Variants in C2CD5 observed in about 807,000 individuals in gnomAD.
C2CD5 encodes C2 calcium dependent domain containing 5, also known as C2 domain-containing protein 5.
In C2CD5, 109 loss-of-function variants were observed where a neutral mutation model predicts 130.3. That is an observed-to-expected ratio of 0.84 (90% confidence interval 0.72 to 0.98). The LOEUF is 0.98. Among genes scored for constraint, C2CD5 ranks in the 50% least tolerant of loss-of-function variants. The pLI, the probability that C2CD5 is intolerant of heterozygous loss-of-function variation, is 0.00. For missense variants in C2CD5, 996 were observed against 1,261.8 expected, an observed-to-expected ratio of 0.79 and a Z score of 3.19; for synonymous variants, 454 against 429.2, an observed-to-expected ratio of 1.06 and a Z score of -0.71.
rs572047132 is a variant in C2CD5 at position 22,533,994 on chromosome 12, G to A, written c.177+1264C>T. On this transcript the variant is annotated intron_variant, in intron 3 of 26. Transcript: ENST00000446597. Reference sequence around the variant, plus strand: ...TGAGGTCAGGAGTTTGAGACCAGCCGGGCCAACAGGGCAAAACCCCATCTC... The same window carrying A: ...TGAGGTCAGGAGTTTGAGACCAGCCAGGCCAACAGGGCAAAACCCCATCTC... 5.3e-5 allele frequency among the ~76,000 whole-genome samples: 8 copies of A among 152,142 alleles called. No homozygotes were observed. The South Asian group carries it at 6.2e-4, about 12-fold the overall frequency.
chr12:22,468,696 A>G (rs930943463), intron 22 of C2CD5, among the ~76,000 whole-genome samples: 1 of 152,220 alleles, frequency 6.6e-6, no homozygotes, highest in African/African-American at 2.4e-5. Context: ...AAAAGGAAAA[A>G]GGACCACAGT....
intron 22 of C2CD5, among the ~76,000 whole-genome samples, chr12:22,464,262 T>C (rs1941693499): frequency 6.6e-6 from 1 of 152,222 alleles, no homozygotes; most frequent in Non-Finnish European, 1.5e-5. Context: ...TTTGGGTCAT[T>C]TAAGTTTCTA....
intron 24 of C2CD5, 49 bp from the exon 25 acceptor site, chr12:22,457,210 AC>A: frequency 7.7e-7 from 1 of 1,299,818 alleles, no homozygotes; most frequent in South Asian, 1.4e-5. Context: ...CGCTGGTAAC[AC>A]AATTATTCCC....
intron 10 of C2CD5, among the ~76,000 whole-genome samples, chr12:22,505,221 A>G (rs947056403): frequency 1.3e-5 from 2 of 151,526 alleles, no homozygotes; most frequent in Non-Finnish European, 2.9e-5. Flanking sequence ...TTTTGGTCCA[A>G]TAACTTCAAA....
intron 10 of C2CD5, among the ~76,000 whole-genome samples, chr12:22,503,738 C>G (rs1948108886): frequency 1.3e-5 from 2 of 152,166 alleles, no homozygotes; most frequent in Admixed American, 1.3e-4. Context: ...TCTCAAACCC[C>G]TGAGCTCATG....
intron 13 of C2CD5, among the ~76,000 whole-genome samples, chr12:22,484,133 T>C (rs1945129927): frequency 1.3e-5 from 2 of 152,100 alleles, no homozygotes; most frequent in African/African-American, 4.8e-5. Context: ...TGTAGCATCA[T>C]GAAGTCAAAG....
At chr12:22,540,916 G>A (rs962856933) in intron 2 of C2CD5, among the ~76,000 whole-genome samples, 96 of 152,114 alleles carry the variant, frequency 6.3e-4, no homozygotes, top group African/African-American at 2.1e-3. Context: ...TAGTTAAACC[G>A]TGGTACTGAT....
chr12:22,535,470 C>T, intron 2 of C2CD5, 126 bp from the exon 3 acceptor site: 1 of 614,894 alleles, frequency 1.6e-6, no homozygotes, highest in East Asian at 2.9e-5. Context: ...TCCTCTGGGA[C>T]AAAGGGAAGA....
intron 4 of C2CD5, among the ~76,000 whole-genome samples, chr12:22,527,319 T>C (rs1471329128): frequency 2.3e-5 from 3 of 128,996 alleles, no homozygotes. Flanking sequence ...ATTATATACA[T>C]ATATATATAT....
Position 22,538,169 on chromosome 12 carries a change from C to T in C2CD5, c.91-2825G>A, listed in dbSNP as rs1215479969. 2.6e-5 allele frequency among the ~76,000 whole-genome samples: 4 copies of T among 152,176 alleles called. No individual in the cohort carries two copies. In the East Asian group the frequency reaches 7.7e-4, roughly 29 times the overall value. ...GTCTTTTAATGTAAGGCTAAGACCTCTTCTTTGTGTAAAAGTCAACTGTTT... is the reference window on the plus strand; with the variant it reads ...GTCTTTTAATGTAAGGCTAAGACCTTTTCTTTGTGTAAAAGTCAACTGTTT... On this transcript the variant is annotated intron_variant, in intron 2 of 26. Transcript: ENST00000446597.
intron 7 of C2CD5, among the ~76,000 whole-genome samples, chr12:22,520,824 A>G (rs1357615017): frequency 1.3e-5 from 2 of 152,156 alleles, no homozygotes; most frequent in Admixed American, 1.3e-4. Flanking sequence ...TGTGCATGAC[A>G]CTAAACATCA....
intron 2 of C2CD5, among the ~76,000 whole-genome samples, chr12:22,539,619 T>C (rs1220835766): frequency 6.6e-6 from 1 of 152,154 alleles, no homozygotes; most frequent in African/African-American, 2.4e-5. Context: ...TATTCTTCAA[T>C]GCAAGAGAGT....
rs1455966717 is a variant in C2CD5 at position 22,472,797 on chromosome 12, G to A, written c.2054C>T (p.Thr685Ile). 1.3e-6 allele frequency: 2 copies of A among 1,550,932 alleles called. No individual in the cohort carries two copies. The highest frequency in any genetic ancestry group is 1.8e-6 in the Non-Finnish European group (2 of 1,122,956). The stretch of plus-strand genomic sequence containing the variant: ...AGAATGGACATCTTCCATGGCATCT[G>A]TGTCATCAATCTTAAAATAGAGATT... ...KDAFVLEIDD[T>I]DAMEDVHSLL... Residue 685 changes from threonine to isoleucine, a missense_variant, in exon 17 of 27, where the codon ACA (threonine) becomes ATA (isoleucine). Physicochemically the swap from Thr to Ile is moderately conservative, Grantham distance 89. Transcript: ENST00000446597.
In C2CD5 at chr12:22,474,801, C is replaced by G; in HGVS notation, c.1993G>C (p.Val665Leu). 1 of 1,610,898 alleles carries G rather than the reference C, an allele frequency of 6.2e-7. No individual in the cohort carries two copies. The highest frequency in any genetic ancestry group is 1.1e-5 in the South Asian group (1 of 90,566). The change falls in exon 16 of 27, where the codon GTT becomes CTT. Residue 665 changes from valine (V) to leucine (L), a missense_variant. Transcript: ENST00000446597. ...LRSQSESSDE[V>L]TELDLSHGKK... is the part of the protein sequence containing the mutation. Reference sequence around the variant, plus strand: ...CCATGTGAAAGGTCTAATTCTGTAACTTCATCCGAGCTTTCTGATTGAGAT... The same window carrying G: ...CCATGTGAAAGGTCTAATTCTGTAAGTTCATCCGAGCTTTCTGATTGAGAT...
intron 23 of C2CD5, among the ~76,000 whole-genome samples, chr12:22,459,242 GA>G (rs532201771): frequency 1.1e-4 from 16 of 151,086 alleles, no homozygotes; most frequent in Non-Finnish European, 2.1e-4. Context: ...TGCTAAGCTG[GA>G]AAAAAAATTT....
chr12:22,507,757 C>T (rs1249431366), intron 9 of C2CD5, among the ~76,000 whole-genome samples: 3 of 152,140 alleles, frequency 2.0e-5, no homozygotes, highest in African/African-American at 7.2e-5. Flanking sequence ...CCAGTAGCCT[C>T]AGCTATTTAG....
intron 10 of C2CD5, among the ~76,000 whole-genome samples, chr12:22,504,636 T>C (rs1948254541): frequency 6.6e-6 from 1 of 152,124 alleles, no homozygotes; most frequent in Admixed American, 6.5e-5. Flanking sequence ...GCAGAAGACA[T>C]CTAGTAATTA....
chr12:22,454,610 G>T (rs1490862485), intron 25 of C2CD5, among the ~76,000 whole-genome samples: 5 of 144,296 alleles, frequency 3.5e-5, no homozygotes, highest in African/African-American at 5.2e-5. Context: ...TTCACTCCTT[G>T]GTCCCAACTT....
chr12:22,478,321 T>G lies in C2CD5; in HGVS notation c.1894A>C (p.Asn632His), dbSNP rs771157293. The change falls in exon 15 of 27, where the codon AAT becomes CAT. Residue 632 changes from asparagine to histidine, a missense_variant. Asn to His is a moderately conservative substitution (Grantham distance 68). Coordinates refer to ENST00000446597, the MANE Select transcript of C2CD5 (RefSeq NM_001286176.2). ...IAKNKELYEINPPEISEEIIG... is the reference protein window; with the variant it reads ...IAKNKELYEIHPPEISEEIIG... ...AGGTTTGTTTTACTTACTGGAGGAT[T>G]GATTTCATATAACTCTTTGTTTTTA... The G allele has an allele frequency of 6.2e-7, 1 of 1,610,330 alleles. No homozygotes were observed.
Sources: gnomAD v4.1 joint callset for allele counts (sites outside exome capture counted in the v4.1 genomes callset) on GRCh38, gnomAD v4.1.1 for gene constraint, MANE v1.5 for transcripts, NCBI Gene and HGNC (gene_info 2026-07-23, HGNC 2026-07-21) for gene names.